Variants in IPO11 observed in about 807,000 individuals in gnomAD.
IPO11 encodes the protein importin 11, also known as importin-11.
In IPO11, 66 loss-of-function variants were observed where a neutral mutation model predicts 143.2. The observed-to-expected ratio is 0.46, with a 90% CI of 0.38 to 0.57. The LOEUF is 0.57. Among genes scored for constraint, IPO11 ranks in the 20% least tolerant of loss-of-function variants. IPO11 has a pLI of 0.00. For missense variants in IPO11, 1,026 were observed against 1,141.0 expected (o/e 0.90, Z 1.45); for synonymous variants, 385 against 377.8 (o/e 1.02, Z -0.22).
At chr5:62,417,956 CTAAT>C (rs1349378564) in intron 1 of IPO11, among the ~76,000 whole-genome samples, 2 of 152,090 alleles carry the variant, frequency 1.3e-5, no homozygotes, top group Non-Finnish European at 2.9e-5. Context: ...CTCCAACTAT[CTAAT>C]TATTTTATTT....
rs1487914421 is a variant in IPO11, at chr5:62,595,603, A to C, written c.2678+3931A>C. On this transcript the variant is annotated intron_variant, in intron 28 of 29. Coordinates refer to ENST00000325324, the MANE Select transcript of IPO11 (RefSeq NM_016338.5). ...TAGAAAAGTTTTATCTTCCAAGATAAATGGATAGTCAACAGTTGCCTATTA... is the reference window on the plus strand; with the variant it reads ...TAGAAAAGTTTTATCTTCCAAGATACATGGATAGTCAACAGTTGCCTATTA... Among the ~76,000 whole-genome samples the C allele has an allele frequency of 4.6e-5, 7 of 152,268 alleles. 1 individual carries two copies. The South Asian group carries it at 1.5e-3, about 32-fold the overall frequency.
At chr5:62,443,608 A>C (rs1280185871) in intron 3 of IPO11, among the ~76,000 whole-genome samples, 1 of 151,978 alleles carries the variant, frequency 6.6e-6, no homozygotes, top group Non-Finnish European at 1.5e-5. Flanking sequence ...AGAAAAAAGA[A>C]AGAGAAATAT....
intron 16 of IPO11, among the ~76,000 whole-genome samples, chr5:62,500,672 AT>A (rs1310896082): frequency 6.6e-6 from 1 of 151,912 alleles, no homozygotes; most frequent in Non-Finnish European, 1.5e-5. Context: ...TAATTCTTTG[AT>A]TTTTTTGTAG....
intron 7 of IPO11, among the ~76,000 whole-genome samples, chr5:62,471,910 C>G (rs1260817904): frequency 6.6e-6 from 1 of 152,042 alleles, no homozygotes; most frequent in Non-Finnish European, 1.5e-5. Context: ...AGGATAAATT[C>G]CTAGAATTGA....
chr5:62,604,851 C>T (rs1383327238), intron 29 of IPO11, among the ~76,000 whole-genome samples: 1 of 152,060 alleles, frequency 6.6e-6, no homozygotes, highest in South Asian at 2.1e-4. Context: ...TTTAATAAAT[C>T]CAATTATGAA....
At chr5:62,556,761 A>G (rs1271010365) in intron 26 of IPO11, among the ~76,000 whole-genome samples, 1 of 152,122 alleles carries the variant, frequency 6.6e-6, no homozygotes, top group Non-Finnish European at 1.5e-5. Flanking sequence ...ATCACTTCCA[A>G]AACAACCTAC....
intron 5 of IPO11, among the ~76,000 whole-genome samples, chr5:62,456,957 G>A (rs1250575686): frequency 6.6e-6 from 1 of 151,992 alleles, no homozygotes; most frequent in Non-Finnish European, 1.5e-5. Flanking sequence ...CCGGGTGCCT[G>A]TAATCCCACC....
chr5:62,513,627 A>G (rs1253930789), intron 19 of IPO11, among the ~76,000 whole-genome samples: 7 of 133,504 alleles, frequency 5.2e-5, no homozygotes, highest in African/African-American at 2.0e-4. Flanking sequence ...ACTTCCCAGT[A>G]GGGGCGGCCG....
chr5:62,585,896 G>A (rs1580354649), intron 27 of IPO11, among the ~76,000 whole-genome samples: 1 of 152,192 alleles, frequency 6.6e-6, no homozygotes, highest in South Asian at 2.1e-4. Context: ...GGTCAAAACT[G>A]AATTCCTGGT....
chr5:62,616,132 A>G (rs1393993700), intron 29 of IPO11, among the ~76,000 whole-genome samples: 1 of 152,090 alleles, frequency 6.6e-6, no homozygotes, highest in East Asian at 1.9e-4. Flanking sequence ...CAAAGAGAAC[A>G]TATTTCTGTT....
chr5:62,545,242 A>C (rs1331541480), intron 24 of IPO11, among the ~76,000 whole-genome samples: 1 of 152,240 alleles, frequency 6.6e-6, no homozygotes, highest in Non-Finnish European at 1.5e-5. Context: ...TACTGGTACC[A>C]AAATAGAGAT....
Position 62,489,284 on chromosome 5 carries a change from T to C in IPO11, c.1310-18T>C, listed in dbSNP as rs1746520461. The C allele has an allele frequency of 7.2e-7, 1 of 1,392,010 alleles. No homozygotes were observed. The highest frequency in any genetic ancestry group is 1.5e-5 in the African/African-American group (1 of 68,156). 86.2% of individuals were successfully genotyped at this position (1,392,010 alleles called of 1,614,324 possible). A position where few individuals can be genotyped will look rare whatever the true frequency, so the allele number is the denominator to read the frequency against. ...TTATTTGCTTTTACTGATACCTATT[T>C]ATATATATATTTTTTAGGACCCACA... On this transcript the variant is annotated intron_variant, in intron 13 of 29. Coordinates refer to ENST00000325324, the MANE Select transcript of IPO11 (RefSeq NM_016338.5).
chr5:62,515,667 T>C (rs920065829), intron 20 of IPO11, among the ~76,000 whole-genome samples, 166 bp downstream of exon 20: 5 of 152,206 alleles, frequency 3.3e-5, no homozygotes, highest in African/African-American at 1.2e-4. Flanking sequence ...AAAACAACTT[T>C]TGCATGCTTA....
chr5:62,534,463 TTAAA>T, intron 22 of IPO11, among the ~76,000 whole-genome samples: 1 of 152,228 alleles, frequency 6.6e-6, no homozygotes, highest in African/African-American at 2.4e-5. Context: ...AAAATACAAA[TTAAA>T]TATAGGAGCA....
intron 6 of IPO11, among the ~76,000 whole-genome samples, chr5:62,469,266 GAAA>G (rs1303460232): frequency 1.8e-4 from 28 of 152,158 alleles, no homozygotes; most frequent in African/African-American, 6.5e-4. Flanking sequence ...CGAAAACGAG[GAAA>G]ACTTACTGCA....
At chr5:62,420,219 C>A (rs923090699) in intron 1 of IPO11, among the ~76,000 whole-genome samples, 2 of 146,594 alleles carry the variant, frequency 1.4e-5, no homozygotes, top group Admixed American at 1.4e-4. Flanking sequence ...TGAACCCGGG[C>A]GATGGAGGTT....
chr5:62,561,132 T>G lies in IPO11; in HGVS notation c.2461-4T>G. The G allele has an allele frequency of 6.2e-7, 1 of 1,602,636 alleles. No homozygotes were observed. Among genetic ancestry groups the G allele is most frequent in the East Asian group, 2.3e-5 (1 of 44,310 alleles). On this transcript the variant is annotated splice_region_variant and splice_polypyrimidine_tract_variant and intron_variant, in intron 26 of 29. Coordinates refer to ENST00000325324, the MANE Select transcript of IPO11 (RefSeq NM_016338.5). ...TTTTGAGATGCCTCCTCCTCTTGTT[T>G]CAGATGGACCAGCTTTTGGGAAATA...
At chr5:62,489,599 A>G (rs988839377) in intron 14 of IPO11, among the ~76,000 whole-genome samples, 12 of 152,228 alleles carry the variant, frequency 7.9e-5, no homozygotes, top group African/African-American at 2.9e-4. Context: ...AAAGAAGTGT[A>G]ATGGAAGAAC....
At chr5:62,423,927 G>A (rs1305209821) in intron 1 of IPO11, among the ~76,000 whole-genome samples, 1 of 152,020 alleles carries the variant, frequency 6.6e-6, no homozygotes, top group Admixed American at 6.6e-5. Flanking sequence ...TTGACTCTGG[G>A]CAGTTTAACA....
Sources: allele counts gnomAD v4.1 joint callset (sites outside exome capture counted in the v4.1 genomes callset), GRCh38; gene constraint gnomAD v4.1.1; transcripts MANE v1.5; gene names NCBI Gene and HGNC (gene_info 2026-07-23, HGNC 2026-07-21).